The following CREB5 variants were observed in gnomAD, a reference collection of about 807,000 sequenced individuals.
The protein encoded by CREB5 is cAMP responsive element binding protein 5.
In CREB5, 19 loss-of-function variants were observed where a neutral mutation model predicts 57.1. The observed-to-expected ratio is 0.33, with a 90% CI of 0.23 to 0.49. The LOEUF is 0.49. Among genes scored for constraint, CREB5 ranks in the 20% least tolerant of loss-of-function variants. The pLI is 0.99. For synonymous variants in CREB5, 238 were observed against 238.3 expected (o/e 1.00, Z 0.01); for missense variants, 579 against 671.6 (o/e 0.86, Z 1.52).
At chr7:28,725,638 CT>C (rs60312425) in intron 7 of CREB5, among the ~76,000 whole-genome samples, 24 of 122,570 alleles carry the variant, frequency 2.0e-4, no homozygotes, top group Non-Finnish European at 3.0e-4. Flanking sequence ...TGCCATATAT[CT>C]TTTTTTAAAA....
intron 4 of CREB5, among the ~76,000 whole-genome samples, chr7:28,527,856 CA>C (rs2128619936): frequency 6.6e-6 from 1 of 152,246 alleles, no homozygotes; most frequent in Admixed American, 6.5e-5. Flanking sequence ...TTGTTTGTTT[CA>C]TATTATTCCT....
chr7:28,437,900 G>T (rs529101135), intron 1 of CREB5, among the ~76,000 whole-genome samples: 6 of 152,254 alleles, frequency 3.9e-5, no homozygotes, highest in Admixed American at 6.5e-5. Context: ...AAAAGACGAT[G>T]GAGACATTTG....
rs1198841913 is a variant in CREB5 at position 28,697,629 on chromosome 7, A to G, written c.465-21124A>G. Reference sequence around the variant, plus strand: ...TCTTAGGTAATAGATTCATCTAACAAAATGCAATCTGATTTATTTCCATGG... The same window carrying G: ...TCTTAGGTAATAGATTCATCTAACAGAATGCAATCTGATTTATTTCCATGG... On this transcript the variant is annotated intron_variant, in intron 5 of 10. Coordinates refer to ENST00000357727, the MANE Select transcript of CREB5 (RefSeq NM_182898.4). 1.6e-4 allele frequency among the ~76,000 whole-genome samples: 24 copies of G among 152,170 alleles called. 1 individual carries two copies. The highest frequency in any genetic ancestry group is 3.5e-4 in the Non-Finnish European group (24 of 68,032).
At chr7:28,473,192 C>T (rs931976848) in intron 1 of CREB5, among the ~76,000 whole-genome samples, 3 of 152,060 alleles carry the variant, frequency 2.0e-5, no homozygotes, top group Non-Finnish European at 4.4e-5. Context: ...TGCAGTGGTG[C>T]ATACCTATGG....
At chr7:28,578,670 A>G (rs1795995954) in intron 5 of CREB5, among the ~76,000 whole-genome samples, 1 of 152,242 alleles carries the variant, frequency 6.6e-6, no homozygotes, top group Admixed American at 6.5e-5. Context: ...GAATTAAAAA[A>G]GAAGCATTAA....
chr7:28,790,472 G>GAGAA (rs1257333632), intron 7 of CREB5, among the ~76,000 whole-genome samples: 358 of 124,922 alleles, frequency 2.9e-3, no homozygotes, highest in Non-Finnish European at 4.8e-3. Context: ...TAGAGAGAGA[G>GAGAA]AGAAAGAAAG....
chr7:28,543,784 C>T lies in CREB5; in HGVS notation c.292-26581C>T, dbSNP rs542722940. 9.9e-5 allele frequency among the ~76,000 whole-genome samples: 15 copies of T among 151,876 alleles called. No individual in the cohort carries two copies. In the South Asian group the frequency reaches 2.3e-3, roughly 23 times the overall value. On this transcript the variant is annotated intron_variant, in intron 4 of 10. Transcript: ENST00000357727. ...TTCTGCAAATGTTATCACAGTGCCA[C>T]GTTCCTGTGAGGCTGGTCGGAGTCC...
At chr7:28,764,843 A>G (rs1805875843) in intron 7 of CREB5, among the ~76,000 whole-genome samples, 1 of 152,256 alleles carries the variant, frequency 6.6e-6, no homozygotes. Flanking sequence ...ATTTCTGAGA[A>G]TAATGAGATT....
At chr7:28,641,020 TTGAG>T (rs1468963894) in intron 5 of CREB5, among the ~76,000 whole-genome samples, 2 of 152,304 alleles carry the variant, frequency 1.3e-5, no homozygotes, top group African/African-American at 4.8e-5. Flanking sequence ...CCCCAAATGA[TTGAG>T]TGTCATCCTG....
At chr7:28,666,317 A>G (rs950918798) in intron 5 of CREB5, among the ~76,000 whole-genome samples, 2 of 152,170 alleles carry the variant, frequency 1.3e-5, no homozygotes, top group Non-Finnish European at 2.9e-5. Context: ...GCCAGCAGCC[A>G]TACCACCTTC....
At chr7:28,627,895 T>A (rs1798062873) in intron 5 of CREB5, among the ~76,000 whole-genome samples, 1 of 152,178 alleles carries the variant, frequency 6.6e-6, no homozygotes, top group African/African-American at 2.4e-5. Context: ...GAGGCTATTG[T>A]TATGGTGTGA....
intron 1 of CREB5, among the ~76,000 whole-genome samples, chr7:28,469,538 C>G (rs1291487968): frequency 6.6e-6 from 1 of 152,158 alleles, no homozygotes; most frequent in Non-Finnish European, 1.5e-5. Flanking sequence ...AAATTAATGT[C>G]TCTGCCAATG....
intron 5 of CREB5, among the ~76,000 whole-genome samples, chr7:28,658,473 C>A (rs1025224120): frequency 8.5e-5 from 13 of 152,152 alleles, no homozygotes; most frequent in African/African-American, 2.7e-4. Flanking sequence ...GTGAAGGAGG[C>A]AAGAGTTTCT....
chr7:28,342,170 T>A (rs1232036393), intron 1 of CREB5, among the ~76,000 whole-genome samples: 1 of 152,212 alleles, frequency 6.6e-6, no homozygotes, highest in Non-Finnish European at 1.5e-5. Flanking sequence ...CCATTGACAC[T>A]CATGATCCTT....
chr7:28,802,671 G>A (rs371110181), intron 7 of CREB5, among the ~76,000 whole-genome samples: 1 of 152,186 alleles, frequency 6.6e-6, no homozygotes, highest in Non-Finnish European at 1.5e-5. Context: ...TATGCCCCTC[G>A]GGATATGATG....
intron 5 of CREB5, among the ~76,000 whole-genome samples, chr7:28,574,628 C>T (rs1263269002): frequency 6.6e-6 from 1 of 152,196 alleles, no homozygotes; most frequent in Non-Finnish European, 1.5e-5. Flanking sequence ...CAGTACAGAG[C>T]TCTGACGGGT....
At chr7:28,367,312 A>G (rs10250028) in intron 1 of CREB5, among the ~76,000 whole-genome samples, 65,844 of 151,946 alleles carry the variant, frequency 0.43, 14,618 homozygotes, top group Non-Finnish European at 0.5. Context: ...TGAAGGCCCA[A>G]TTGGCATCCC....
intron 4 of CREB5, among the ~76,000 whole-genome samples, chr7:28,555,407 C>G (rs189888157): frequency 1.2e-4 from 19 of 152,286 alleles, no homozygotes; most frequent in Non-Finnish European, 2.9e-5. Flanking sequence ...TTTGCCCTGA[C>G]CATACCTTTT....
intron 1 of CREB5, among the ~76,000 whole-genome samples, chr7:28,306,715 T>G (rs1212535701): frequency 6.0e-5 from 9 of 151,078 alleles, no homozygotes; most frequent in African/African-American, 2.2e-4. Context: ...CGCCCGCCAC[T>G]ATGCCCGGCT....
Sources: allele counts gnomAD v4.1 joint callset (sites outside exome capture counted in the v4.1 genomes callset), GRCh38; gene constraint gnomAD v4.1.1; transcripts MANE v1.5; gene names NCBI Gene and HGNC (gene_info 2026-07-23, HGNC 2026-07-21).